Variants in DRC9 observed in about 807,000 individuals in gnomAD.
The protein encoded by DRC9 is dynein regulatory complex protein 9.
chr3:197,917,324 T>C, the DRC9 span, among the ~76,000 whole-genome samples: 1 of 151,952 alleles, frequency 6.6e-6, no homozygotes, highest in Non-Finnish European at 1.5e-5. Context: ...CTCAAAAAGG[T>C]CCCTAAGATG....
chr3:197,945,693 T>C, the DRC9 span: 5 of 1,176,540 alleles, frequency 4.2e-6, no homozygotes, highest in Non-Finnish European at 6.2e-6. Context: ...TTACCTAAAA[T>C]GGGAAAGAAA....
At chr3:197,904,281 C>T in the DRC9 span, among the ~76,000 whole-genome samples, 1 of 151,864 alleles carries the variant, frequency 6.6e-6, no homozygotes, top group East Asian at 1.9e-4. Flanking sequence ...ATCTAAAAGA[C>T]AGGCAATAAT....
At chr3:197,950,579 A>C in the DRC9 span, 1 of 345,996 alleles carries the variant, frequency 2.9e-6, no homozygotes, top group South Asian at 4.3e-5. Flanking sequence ...TTTCTCCCCC[A>C]GCCATTGCAT....
At chr3:197,945,472 A>T in the DRC9 span, 1 of 588,692 alleles carries the variant, frequency 1.7e-6, no homozygotes, top group Non-Finnish European at 3.0e-6. Flanking sequence ...ACCCACAGAA[A>T]CTGTGGGAAA....
At chr3:197,952,948 G>A in the DRC9 span, among the ~76,000 whole-genome samples, 41 of 151,676 alleles carry the variant, frequency 2.7e-4, no homozygotes, top group African/African-American at 9.7e-4. Flanking sequence ...TTACAGGCGC[G>A]CACCACCACA....
At chr3:197,950,421 G>A in the DRC9 span, 94 of 911,358 alleles carry the variant, frequency 1.0e-4, 1 homozygote, top group Admixed American at 1.7e-4. Context: ...ACGGCTGCCC[G>A]GGTTATCCCA....
the DRC9 span, among the ~76,000 whole-genome samples, chr3:197,931,588 TCA>T: frequency 6.6e-6 from 1 of 152,160 alleles, no homozygotes; most frequent in Non-Finnish European, 1.5e-5. Context: ...TTGTTATTGT[TCA>T]GTGATTTTCA....
At chr3:197,953,432 TTC>T in the DRC9 span, 1 of 456,722 alleles carries the variant, frequency 2.2e-6, no homozygotes, top group East Asian at 6.9e-5. Context: ...CCACAGTAGT[TTC>T]TCTCATTCAG....
chr3:197,896,985 A>T, the DRC9 span, among the ~76,000 whole-genome samples: 1 of 152,236 alleles, frequency 6.6e-6, no homozygotes, highest in Non-Finnish European at 1.5e-5. Context: ...GGGGACACTG[A>T]ACCGAACCAT....
At chr3:197,904,548 G>A in the DRC9 span, among the ~76,000 whole-genome samples, 1 of 152,188 alleles carries the variant, frequency 6.6e-6, no homozygotes. Context: ...CAATGTAAGT[G>A]TCTACCAACA....
the DRC9 span, among the ~76,000 whole-genome samples, chr3:197,934,464 C>G: frequency 3.6e-4 from 54 of 152,082 alleles, no homozygotes; most frequent in African/African-American, 1.3e-3. Flanking sequence ...GGATTACAGG[C>G]GTGAGCCACG....
the DRC9 span, chr3:197,913,956 G>C: frequency 6.2e-7 from 1 of 1,614,036 alleles, no homozygotes; most frequent in Non-Finnish European, 8.5e-7. Flanking sequence ...GCTCGGTATT[G>C]GTTTTCATGT....
the DRC9 span, among the ~76,000 whole-genome samples, chr3:197,907,734 C>A: frequency 6.6e-6 from 1 of 152,066 alleles, no homozygotes; most frequent in South Asian, 2.1e-4. Context: ...GGCATCCTCC[C>A]AGATGAAGTT....
chr3:197,897,483 T>A, the DRC9 span, among the ~76,000 whole-genome samples: 1 of 152,168 alleles, frequency 6.6e-6, no homozygotes, highest in Non-Finnish European at 1.5e-5. Context: ...TAATAACATA[T>A]TTTAGAATAT....
chr3:197,954,348 G>T, the DRC9 span: 1 of 615,680 alleles, frequency 1.6e-6, no homozygotes, highest in Non-Finnish European at 2.9e-6. Context: ...TTTTTTTTTG[G>T]GGGGAGACAG....
the DRC9 span, among the ~76,000 whole-genome samples, chr3:197,941,035 C>T: frequency 1.3e-5 from 2 of 151,318 alleles, no homozygotes; most frequent in South Asian, 4.2e-4. Context: ...TCTTGATATT[C>T]CATGATGGCA....
At chr3:197,925,241 G>A in the DRC9 span, among the ~76,000 whole-genome samples, 7 of 127,234 alleles carry the variant, frequency 5.5e-5, no homozygotes, top group African/African-American at 1.8e-4. Flanking sequence ...GGTGTATGTG[G>A]GGTGGGATAT....
chr3:197,943,231 T>C, the DRC9 span, among the ~76,000 whole-genome samples: 1 of 152,188 alleles, frequency 6.6e-6, no homozygotes, highest in African/African-American at 2.4e-5. Flanking sequence ...TAATTCCATC[T>C]CTTCAGTATA....
chr3:197,949,518 G>C, the DRC9 span: 1 of 151,814 alleles, frequency 6.6e-6, no homozygotes, highest in Non-Finnish European at 1.5e-5. Flanking sequence ...TTCTTTTGTA[G>C]AGGTTGGGGG....
Sources: allele counts gnomAD v4.1 joint callset (sites outside exome capture counted in the v4.1 genomes callset), GRCh38; gene constraint gnomAD v4.1.1; transcripts MANE v1.5; gene names NCBI Gene and HGNC (gene_info 2026-07-23, HGNC 2026-07-21).